The following CYCS variants were observed in gnomAD, a reference collection of about 807,000 sequenced individuals.
CYCS encodes the protein cytochrome c.
For missense variants in CYCS, 87 were observed against 125.3 expected, an observed-to-expected ratio of 0.69 and a Z score of 1.46; for synonymous variants, 41 against 43.0, an observed-to-expected ratio of 0.95 and a Z score of 0.18.
rs1313050989 is a variant in CYCS, at chr7:25,123,483, T to C, written c.*218A>G. ...TATCTTTAAAAGGGGTAAACAGTGA[T>C]ACCATTTACTGAATTGGAGTTACTA... On this transcript the variant is annotated 3_prime_UTR_variant, in exon 3 of 3. Coordinates refer to ENST00000305786, the MANE Select transcript of CYCS (RefSeq NM_018947.6). The C allele has an allele frequency of 1.8e-6, 1 of 557,312 alleles. No homozygotes were observed. Among genetic ancestry groups the C allele is most frequent in the African/African-American group, 1.9e-5 (1 of 52,976 alleles). The allele number at this position is 557,312 out of a possible 1,614,324, so 34.5% of individuals were successfully genotyped here. A position where few individuals can be genotyped will look rare whatever the true frequency, so the allele number is the denominator to read the frequency against.
chr7:25,124,461 T>G (rs761752808), intron 1 of CYCS, among the ~76,000 whole-genome samples: 2 of 152,188 alleles, frequency 1.3e-5, no homozygotes, highest in African/African-American at 2.4e-5. Flanking sequence ...GCGAACACAT[T>G]AAGCCAAAAT....
At position 25,118,695 on chromosome 7, in the gene CYCS, A is replaced by C. The variant is rs1783312381; in HGVS notation, c.*5006T>G. On this transcript the variant is annotated 3_prime_UTR_variant, in exon 3 of 3. Coordinates refer to ENST00000305786, the MANE Select transcript of CYCS (RefSeq NM_018947.6). Reference sequence around the variant, plus strand: ...TGTTTATTGATACACACTAAACACAATTTTCTCCTAATCCTAGACCCAGCA... The same window carrying C: ...TGTTTATTGATACACACTAAACACACTTTTCTCCTAATCCTAGACCCAGCA... 6.6e-6 allele frequency among the ~76,000 whole-genome samples: 1 copy of C among 152,124 alleles called. No homozygotes were observed. The highest frequency in any genetic ancestry group is 2.1e-4 in the South Asian group (1 of 4,828).
intron 1 of CYCS, 120 bp from the exon 2 acceptor site, chr7:25,124,247 G>A (rs1219880674): frequency 2.5e-6 from 2 of 794,396 alleles, no homozygotes; most frequent in South Asian, 1.5e-5. Context: ...TTAAATACCA[G>A]AATGAATCTT....
At position 25,120,458 on chromosome 7, in the gene CYCS, T is replaced by C. The variant is rs949276106; in HGVS notation, c.*3243A>G. ...ACTGGTTCTAGTCCTAGACCCAGAA[T>C]GTCAATACAGTAGCCACTAGCCACT... On this transcript the variant is annotated 3_prime_UTR_variant, in exon 3 of 3. Transcript: ENST00000305786. 6.6e-6 allele frequency: 1 copy of C among 152,266 alleles called. No individual in the cohort carries two copies. The highest frequency in any genetic ancestry group is 2.4e-5 in the African/African-American group (1 of 41,480). 9.4% of individuals were successfully genotyped at this position (152,266 alleles called of 1,614,324 possible). A position where few individuals can be genotyped will look rare whatever the true frequency, so the allele number is the denominator to read the frequency against.
rs911307083 is a variant in CYCS at position 25,119,809 on chromosome 7, G to A, written c.*3892C>T. On this transcript the variant is annotated 3_prime_UTR_variant, in exon 3 of 3. Coordinates refer to ENST00000305786, the MANE Select transcript of CYCS (RefSeq NM_018947.6). ...GAGACTAGTCAGTCAACTGTCCTTGGTAAGATCTCCTTCTTGACAGCCATG... is the reference window on the plus strand; with the variant it reads ...GAGACTAGTCAGTCAACTGTCCTTGATAAGATCTCCTTCTTGACAGCCATG... Among the ~76,000 whole-genome samples, 52 of 152,136 alleles carry A rather than the reference G, an allele frequency of 3.4e-4. No homozygotes were observed. The highest frequency in any genetic ancestry group is 1.2e-3 in the African/African-American group (51 of 41,424).
intron 1 of CYCS, among the ~76,000 whole-genome samples, chr7:25,124,503 C>A (rs767376588): frequency 2.6e-5 from 4 of 152,202 alleles, no homozygotes; most frequent in African/African-American, 4.8e-5. Context: ...AAAGACCTAA[C>A]CATTTAATCT....
At position 25,123,636 on chromosome 7, in the gene CYCS, G is replaced by A. The variant is rs371038525; in HGVS notation, c.*65C>T. On this transcript the variant is annotated 3_prime_UTR_variant, in exon 3 of 3. Transcript: ENST00000305786. Reference sequence around the variant, plus strand: ...TTCTGGTGTATGAGATCTATTAAAGGATGGTACACATAAAAAAGTCATGAG... The same window carrying A: ...TTCTGGTGTATGAGATCTATTAAAGAATGGTACACATAAAAAAGTCATGAG... The A allele has an allele frequency of 1.2e-4, 160 of 1,364,800 alleles. No individual in the cohort carries two copies. The African/African-American group carries it at 1.9e-3, about 16-fold the overall frequency. The allele number at this position is 1,364,800 out of a possible 1,614,324, so 84.5% of individuals were successfully genotyped here.
In CYCS at chr7:25,123,184, G is replaced by A. The variant is rs1355361645; in HGVS notation, c.*517C>T. 1.2e-5 allele frequency: 2 copies of A among 163,038 alleles called. No individual in the cohort carries two copies. The highest frequency in any genetic ancestry group is 2.7e-5 in the Non-Finnish European group (2 of 73,850). The allele number at this position is 163,038 out of a possible 1,614,324, so 10.1% of individuals were successfully genotyped here. On this transcript the variant is annotated 3_prime_UTR_variant, in exon 3 of 3. Transcript: ENST00000305786. ...TAAAAGAAACCATTTTAAATACAGG[G>A]AATTATAATTAGATTGGCATAGTTA...
rs1221227602 is a variant in CYCS, at chr7:25,120,556, T to C, written c.*3145A>G. The C allele has an allele frequency of 1.3e-5, 2 of 152,256 alleles. No homozygotes were observed. The highest frequency in any genetic ancestry group is 2.9e-5 in the Non-Finnish European group (2 of 68,044). The allele number at this position is 152,256 out of a possible 1,614,324, so 9.4% of individuals were successfully genotyped here. A position where few individuals can be genotyped will look rare whatever the true frequency, so the allele number is the denominator to read the frequency against. ...ATATTTCAAGGGCTTAACAGCCACA[T>C]GTGGTTAGTGGCTACCACACTGGAC... On this transcript the variant is annotated 3_prime_UTR_variant, in exon 3 of 3. Coordinates refer to ENST00000305786, the MANE Select transcript of CYCS (RefSeq NM_018947.6).
rs1783342339 is a variant in CYCS at position 25,120,505 on chromosome 7, T to TAA, written c.*3194_*3195dup. On this transcript the variant is annotated 3_prime_UTR_variant, in exon 3 of 3. Transcript: ENST00000305786. The stretch of plus-strand genomic sequence containing the variant: ...CACTTGTGCCTATGTAAATTTAAAA[T>TAA]AAAATACTTTCTAGTCACACTAGCT... 6.6e-6 allele frequency: 1 copy of TAA among 152,264 alleles called. No homozygotes were observed. The highest frequency in any genetic ancestry group is 2.4e-5 in the African/African-American group (1 of 41,472). The allele number at this position is 152,264 out of a possible 1,614,324, so 9.4% of individuals were successfully genotyped here. A position where few individuals can be genotyped will look rare whatever the true frequency, so the allele number is the denominator to read the frequency against.
At position 25,122,022 on chromosome 7, in the gene CYCS, C is replaced by CAAAAAAAA. The variant is rs11427893; in HGVS notation, c.*1671_*1678dup. 1 of 146,322 alleles carries CAAAAAAAA rather than the reference C, an allele frequency of 6.8e-6. No individual in the cohort carries two copies. The highest frequency in any genetic ancestry group is 1.5e-5 in the Non-Finnish European group (1 of 66,534). 9.1% of individuals were successfully genotyped at this position (146,322 alleles called of 1,614,324 possible). A position where few individuals can be genotyped will look rare whatever the true frequency, so the allele number is the denominator to read the frequency against. On this transcript the variant is annotated 3_prime_UTR_variant, in exon 3 of 3. Transcript: ENST00000305786. ...GTTTCCTGTATCATTTCCAGGATGC[C>CAAAAAAAA]AAAAAAAAAAAAAATCAACTCTCTA...
chr7:25,125,236 CCGAA>C lies in CYCS; in HGVS notation c.-49_-46del, dbSNP rs1783429152. ...CGCTGGCACAACGAACACTCCCGCT[CCGAA>C]GCCGGACGTCCCCACTCTCTAAGTC... On this transcript the variant is annotated 5_prime_UTR_variant, in exon 1 of 3. Transcript: ENST00000305786. 4.6e-5 allele frequency: 7 copies of C among 152,960 alleles called. No homozygotes were observed. Among genetic ancestry groups the C allele is most frequent in the African/African-American group, 1.7e-4 (7 of 41,592 alleles). 9.5% of individuals were successfully genotyped at this position (152,960 alleles called of 1,614,324 possible).
At chr7:25,124,643 T>G (rs11769363) in intron 1 of CYCS, 76,926 of 186,640 alleles carry the variant, frequency 0.41, 19,130 homozygotes, top group African/African-American at 0.74. Context: ...GAATGGGAGC[T>G]CAGGGGCAGG....
At position 25,119,908 on chromosome 7, in the gene CYCS, A is replaced by G. The variant is rs750455039; in HGVS notation, c.*3793T>C. Among the ~76,000 whole-genome samples, 19 of 152,194 alleles carry G rather than the reference A, an allele frequency of 1.2e-4. No homozygotes were observed. Among genetic ancestry groups the G allele is most frequent in the Non-Finnish European group, 2.4e-4 (16 of 68,030 alleles). On this transcript the variant is annotated 3_prime_UTR_variant, in exon 3 of 3. Transcript: ENST00000305786. ...AGCAAAACTGTACATCTATAAAGGA[A>G]TTCAAGAGAAGTGCAGGAAAAGGAT...
In CYCS at chr7:25,122,489, A is replaced by T. The variant is rs1783379639; in HGVS notation, c.*1212T>A. ...CACCATCTCCATAAAATCTCCAAGG[A>T]CTACTCTAAATGTGTATGGCACAGA... On this transcript the variant is annotated 3_prime_UTR_variant, in exon 3 of 3. Coordinates refer to ENST00000305786, the MANE Select transcript of CYCS (RefSeq NM_018947.6). 6.6e-6 allele frequency: 1 copy of T among 152,222 alleles called. No homozygotes were observed. The allele number at this position is 152,222 out of a possible 1,614,324, so 9.4% of individuals were successfully genotyped here. A position where few individuals can be genotyped will look rare whatever the true frequency, so the allele number is the denominator to read the frequency against.
In CYCS at chr7:25,119,460, G is replaced by C. The variant is rs970205188; in HGVS notation, c.*4241C>G. ...CCAGCTAGTTTTTATATTTTTGGTAGAGATGGGGTTTCACCATGTTGGCCA... is the reference window on the plus strand; with the variant it reads ...CCAGCTAGTTTTTATATTTTTGGTACAGATGGGGTTTCACCATGTTGGCCA... On this transcript the variant is annotated 3_prime_UTR_variant, in exon 3 of 3. Transcript: ENST00000305786. Among the ~76,000 whole-genome samples the C allele has an allele frequency of 2.6e-5, 4 of 152,132 alleles. No homozygotes were observed. In the East Asian group the frequency reaches 7.7e-4, roughly 29 times the overall value.
rs1783321446 is a variant in CYCS, at chr7:25,119,271, C to T, written c.*4430G>A. 1.3e-5 allele frequency among the ~76,000 whole-genome samples: 2 copies of T among 152,132 alleles called. No individual in the cohort carries two copies. Among genetic ancestry groups the T allele is most frequent in the South Asian group, 4.1e-4 (2 of 4,832 alleles). On this transcript the variant is annotated 3_prime_UTR_variant, in exon 3 of 3. Coordinates refer to ENST00000305786, the MANE Select transcript of CYCS (RefSeq NM_018947.6). Reference sequence around the variant, plus strand: ...AGCTCATGAATGAATATTTTCCATTCTAAGGAAACTTTTTTTCTTTTTGAG... The same window carrying T: ...AGCTCATGAATGAATATTTTCCATTTTAAGGAAACTTTTTTTCTTTTTGAG...
chr7:25,119,035 G>C lies in CYCS; in HGVS notation c.*4666C>G, dbSNP rs1253337876. ...CTAAGGATATGAACACCAGGACAAT[G>C]GTTATTCTGAGGCACAGAAAATACA... is the stretch of plus-strand genomic sequence containing the variant. On this transcript the variant is annotated 3_prime_UTR_variant, in exon 3 of 3. Transcript: ENST00000305786. Among the ~76,000 whole-genome samples, 1 of 152,176 alleles carries C rather than the reference G, an allele frequency of 6.6e-6. No individual in the cohort carries two copies. The highest frequency in any genetic ancestry group is 2.4e-5 in the African/African-American group (1 of 41,442).
chr7:25,119,362 C>T lies in CYCS; in HGVS notation c.*4339G>A, dbSNP rs2128576566. On this transcript the variant is annotated 3_prime_UTR_variant, in exon 3 of 3. Coordinates refer to ENST00000305786, the MANE Select transcript of CYCS (RefSeq NM_018947.6). ...GGCGGTCTTGGCTCACTGCAACCCC[C>T]ATCTCCCAGGTTCAAGCGATTCTCC... is the stretch of plus-strand genomic sequence containing the variant. Among the ~76,000 whole-genome samples, 1 of 152,080 alleles carries T rather than the reference C, an allele frequency of 6.6e-6. No individual in the cohort carries two copies. Among genetic ancestry groups the T allele is most frequent in the Admixed American group, 6.5e-5 (1 of 15,288 alleles).
Sources: allele counts gnomAD v4.1 joint callset (sites outside exome capture counted in the v4.1 genomes callset), GRCh38; gene constraint gnomAD v4.1.1; transcripts MANE v1.5; gene names NCBI Gene and HGNC (gene_info 2026-07-23, HGNC 2026-07-21).